MANEA: variants seen among roughly 807,000 people sequenced by gnomAD.
MANEA encodes the protein mannosidase endo-alpha, also known as glycoprotein endo-alpha-1,2-mannosidase.
Under a neutral mutation model 36.8 loss-of-function variants are expected in MANEA, and 25 were observed. The observed-to-expected ratio is 0.68, with a 90% CI of 0.50 to 0.95. The LOEUF is 0.95. Among genes scored for constraint, MANEA ranks in the 40% least tolerant of loss-of-function variants. The probability of loss-of-function intolerance (pLI) is 0.00; values close to 1 mark genes in which losing one functional copy is unlikely to be tolerated. For missense variants in MANEA, 565 were observed against 558.8 expected, an observed-to-expected ratio of 1.01 and a Z score of -0.11; for synonymous variants, 198 against 188.5, an observed-to-expected ratio of 1.05 and a Z score of -0.41.
chr6:95,577,895 TG>T (rs1769100514), intron 1 of MANEA, among the ~76,000 whole-genome samples: 1 of 152,246 alleles, frequency 6.6e-6, no homozygotes, highest in African/African-American at 2.4e-5. Context: ...CCTTTTACAC[TG>T]CTTTATCCCC....
In MANEA at chr6:95,594,642, G is replaced by C. The variant is rs561302547; in HGVS notation, c.545-2095G>C. 2.0e-5 allele frequency among the ~76,000 whole-genome samples: 3 copies of C among 152,194 alleles called. No individual in the cohort carries two copies. The South Asian group carries it at 6.2e-4, about 32-fold the overall frequency. On this transcript the variant is annotated intron_variant, in intron 2 of 4. Transcript: ENST00000358812. ...TTGTATACTATTTATTGTTCTTTATGAAATACTTTTTGTAAATAATTTGAG... is the reference window on the plus strand; with the variant it reads ...TTGTATACTATTTATTGTTCTTTATCAAATACTTTTTGTAAATAATTTGAG...
chr6:95,607,609 A>G lies in MANEA; in HGVS notation c.*1204A>G, dbSNP rs985689329. The stretch of plus-strand genomic sequence containing the variant: ...TTATATAGTAATATCCCCATTTTGT[A>G]AATGTTAGACTTTTATCATACCTGT... On this transcript the variant is annotated 3_prime_UTR_variant, in exon 5 of 5. Transcript: ENST00000358812. 6 of 151,762 alleles carry G rather than the reference A, an allele frequency of 4.0e-5. No individual in the cohort carries two copies. The highest frequency in any genetic ancestry group is 8.9e-5 in the Non-Finnish European group (6 of 67,768). 9.4% of individuals were successfully genotyped at this position (151,762 alleles called of 1,614,324 possible).
chr6:95,603,182 T>C (rs2127945350), intron 3 of MANEA, among the ~76,000 whole-genome samples: 1 of 152,170 alleles, frequency 6.6e-6, no homozygotes, highest in African/African-American at 2.4e-5. Context: ...AGCATGCTAT[T>C]TGTTGTTTGC....
At position 95,606,305 on chromosome 6, in the gene MANEA, A is replaced by C; in HGVS notation, c.1289A>C (p.His430Pro). The change falls in exon 5 of 5, where the codon CAT becomes CCT. Residue 430 changes from histidine to proline, a missense_variant. By Grantham distance (77) the His-to-Pro change is moderately conservative (BLOSUM62 -2). Coordinates refer to ENST00000358812, the MANE Select transcript of MANEA (RefSeq NM_024641.4). Reference sequence around the variant, plus strand: ...ACAGTGTACCTAGATTACCGTCCTCATAAACCAGGTCTTTACCTAGAACTG... The same window carrying C: ...ACAGTGTACCTAGATTACCGTCCTCCTAAACCAGGTCTTTACCTAGAACTG... ...SNTVYLDYRP[H>P]KPGLYLELTR... 6.2e-7 allele frequency: 1 copy of C among 1,612,474 alleles called. No individual in the cohort carries two copies. Among genetic ancestry groups the C allele is most frequent in the Admixed American group, 1.7e-5 (1 of 60,006 alleles).
rs1353903169 is a variant in MANEA at position 95,586,771 on chromosome 6, A to G, written c.332A>G (p.Tyr111Cys). 1.9e-6 allele frequency: 3 copies of G among 1,613,726 alleles called. No homozygotes were observed. Among genetic ancestry groups the G allele is most frequent in the Non-Finnish European group, 2.5e-6 (3 of 1,179,778 alleles). The change falls in exon 2 of 5, where the codon TAT becomes TGT. Residue 111 changes from tyrosine to cysteine, a missense_variant. Physicochemically the swap from Tyr to Cys is radical, Grantham distance 194. Transcript: ENST00000358812. ...CTACATGTATTTTATTACAGTTGGT[A>G]TGGAAATCCACAATTTGATGGTAAA... Reference protein sequence around the residue: ...NYLHVFYYSWYGNPQFDGKYI... With the variant: ...NYLHVFYYSWCGNPQFDGKYI...
In MANEA at chr6:95,606,310, CCAGGTCTTTACCTAGAACTGACTCG is replaced by C; in HGVS notation, c.1297_1321del (p.Gly433SerfsTer15). On this transcript the variant is annotated frameshift_variant, in exon 5 of 5. Coordinates refer to ENST00000358812, the MANE Select transcript of MANEA (RefSeq NM_024641.4). LOFTEE classifies it high-confidence loss of function. ...GTACCTAGATTACCGTCCTCATAAA[CCAGGTCTTTACCTAGAACTGACTCG>C]CAAGTGGTCTGAAAAATACAGTAAG... 1 of 1,612,012 alleles carries C rather than the reference CCAGGTCTTTACCTAGAACTGACTCG, an allele frequency of 6.2e-7. No homozygotes were observed. The highest frequency in any genetic ancestry group is 2.2e-5 in the East Asian group (1 of 44,862).
intron 2 of MANEA, among the ~76,000 whole-genome samples, chr6:95,596,340 T>C (rs562311216): frequency 1.3e-5 from 2 of 152,268 alleles, no homozygotes; most frequent in Non-Finnish European, 2.9e-5. Context: ...ATGTAAACTA[T>C]GGACTTTAGT....
chr6:95,581,906 A>G (rs1769189999), intron 1 of MANEA, among the ~76,000 whole-genome samples: 1 of 152,176 alleles, frequency 6.6e-6, no homozygotes, highest in African/African-American at 2.4e-5. Flanking sequence ...ACTTTTAGAA[A>G]ACAGAGTAAG....
chr6:95,577,818 C>A (rs1353855411), intron 1 of MANEA, among the ~76,000 whole-genome samples, 180 bp downstream of exon 1: 5 of 152,232 alleles, frequency 3.3e-5, no homozygotes, highest in Admixed American at 2.6e-4. Flanking sequence ...AGCGGCGAGC[C>A]TGTAGCCCCC....
At chr6:95,599,002 G>C (rs1769536829) in intron 3 of MANEA, among the ~76,000 whole-genome samples, 1 of 151,966 alleles carries the variant, frequency 6.6e-6, no homozygotes, top group South Asian at 2.1e-4. Flanking sequence ...CTCTAAAATA[G>C]AAATAGCAAC....
rs749972862 is a variant in MANEA at position 95,606,282 on chromosome 6, A to G, written c.1266A>G (p.Thr422=). The change falls in exon 5 of 5, where the codon ACA becomes ACG. Residue 422 remains threonine, a synonymous_variant. Coordinates refer to ENST00000358812, the MANE Select transcript of MANEA (RefSeq NM_024641.4). ...CTGTTCCCAAAAGAACCAGTAATAC[A>G]GTGTACCTAGATTACCGTCCTCATA... ...EKAVPKRTSN[T]VYLDYRPHKP... 2 of 1,613,386 alleles carry G rather than the reference A, an allele frequency of 1.2e-6. No individual in the cohort carries two copies. The highest frequency in any genetic ancestry group is 1.3e-5 in the African/African-American group (1 of 74,906).
chr6:95,592,959 G>C (rs1348492297), intron 2 of MANEA, among the ~76,000 whole-genome samples: 1 of 152,164 alleles, frequency 6.6e-6, no homozygotes, highest in Non-Finnish European at 1.5e-5. Flanking sequence ...TTATATTGAA[G>C]GTCCTGTAAT....
intron 1 of MANEA, among the ~76,000 whole-genome samples, chr6:95,579,889 G>C (rs975291722): frequency 6.6e-6 from 1 of 152,168 alleles, no homozygotes; most frequent in East Asian, 1.9e-4. Flanking sequence ...GGAGAAAACA[G>C]ATTTTCAGTA....
At chr6:95,597,916 AAAG>A (rs1277018100) in intron 3 of MANEA, among the ~76,000 whole-genome samples, 4 of 152,160 alleles carry the variant, frequency 2.6e-5, no homozygotes, top group African/African-American at 9.6e-5. Context: ...TTAAAAAAGA[AAAG>A]AAATTGAGAA....
chr6:95,602,375 A>G (rs1289127715), intron 3 of MANEA, among the ~76,000 whole-genome samples: 4 of 152,172 alleles, frequency 2.6e-5, no homozygotes, highest in African/African-American at 9.7e-5. Context: ...ACATAGGAGT[A>G]GGAAGACCTA....
chr6:95,578,457 A>T (rs1398461076), intron 1 of MANEA, among the ~76,000 whole-genome samples: 2 of 152,222 alleles, frequency 1.3e-5, no homozygotes, highest in African/African-American at 4.8e-5. Context: ...TAGGCTGTTC[A>T]CGTTAAAGTA....
At position 95,586,987 on chromosome 6, in the gene MANEA, A is replaced by G; in HGVS notation, c.544+4A>G. ...CAAATGCGCTCAGCTTCAATTGGTA[A>G]TTATTGTATATATATATATGTGTGT... On this transcript the variant is annotated splice_donor_region_variant and intron_variant, in intron 2 of 4. Coordinates refer to ENST00000358812, the MANE Select transcript of MANEA (RefSeq NM_024641.4). The G allele has an allele frequency of 6.8e-7, 1 of 1,476,144 alleles. No individual in the cohort carries two copies. Among genetic ancestry groups the G allele is most frequent in the Non-Finnish European group, 9.3e-7 (1 of 1,078,076 alleles). 91.4% of individuals were successfully genotyped at this position (1,476,144 alleles called of 1,614,324 possible).
intron 2 of MANEA, chr6:95,588,157 TG>T (rs1454985776): frequency 1.3e-5 from 2 of 152,068 alleles, no homozygotes; most frequent in African/African-American, 4.8e-5. Flanking sequence ...ATATAGTCTT[TG>T]TAAAACCTTC....
At chr6:95,583,478 T>C (rs533793827) in intron 1 of MANEA, among the ~76,000 whole-genome samples, 107 of 152,228 alleles carry the variant, frequency 7.0e-4, no homozygotes, top group African/African-American at 2.2e-3. Context: ...CCTTGATATA[T>C]TTACAGTATG....
Sources: allele counts gnomAD v4.1 joint callset (sites outside exome capture counted in the v4.1 genomes callset), GRCh38; gene constraint gnomAD v4.1.1; transcripts MANE v1.5; gene names NCBI Gene and HGNC (gene_info 2026-07-23, HGNC 2026-07-21).